Variants in ZDHHC2 observed in about 807,000 individuals in gnomAD.
ZDHHC2 encodes palmitoyltransferase ZDHHC2.
In ZDHHC2, 51 loss-of-function variants were observed where a neutral mutation model predicts 55.6. The observed-to-expected ratio is 0.92, with a 90% CI of 0.73 to 1.16. The LOEUF is 1.16. Among genes scored for constraint, ZDHHC2 ranks in the 50% most tolerant of loss-of-function variants. The pLI is 0.00. For missense variants in ZDHHC2, 491 were observed against 442.4 expected (o/e 1.11, Z -0.99); for synonymous variants, 199 against 152.9 (o/e 1.30, Z -2.22).
intron 4 of ZDHHC2, 101 bp from the exon 5 acceptor site, chr8:17,197,481 A>G (rs1487525650): frequency 2.0e-6 from 2 of 1,012,142 alleles, no homozygotes; most frequent in African/African-American, 1.7e-5. Flanking sequence ...TAAATTTCAT[A>G]TGCTTTTTAA....
At chr8:17,200,316 C>T (rs919937254) in intron 6 of ZDHHC2, among the ~76,000 whole-genome samples, 3 of 152,264 alleles carry the variant, frequency 2.0e-5, no homozygotes, top group Non-Finnish European at 4.4e-5. Context: ...CCAGGGGCAA[C>T]CCTCAACCAG....
intron 1 of ZDHHC2, among the ~76,000 whole-genome samples, chr8:17,174,135 T>C (rs1410613143): frequency 6.6e-6 from 1 of 151,224 alleles, no homozygotes; most frequent in Non-Finnish European, 1.5e-5. Flanking sequence ...TGTCTCCCAA[T>C]CTGGAATACA....
intron 10 of ZDHHC2, among the ~76,000 whole-genome samples, chr8:17,215,007 A>G (rs911415528): frequency 2.0e-5 from 3 of 152,190 alleles, no homozygotes; most frequent in African/African-American, 7.2e-5. Flanking sequence ...GTTAGAGATT[A>G]TCATCTTATG....
intron 6 of ZDHHC2, among the ~76,000 whole-genome samples, chr8:17,200,620 C>T (rs1330205677): frequency 6.6e-6 from 1 of 152,068 alleles, no homozygotes; most frequent in Non-Finnish European, 1.5e-5. Flanking sequence ...CACAAAATTA[C>T]AAAAAGAGAA....
chr8:17,184,625 C>CTT (rs1805616589), intron 1 of ZDHHC2, among the ~76,000 whole-genome samples, 164 bp from the exon 2 acceptor site: 1 of 151,474 alleles, frequency 6.6e-6, no homozygotes, highest in East Asian at 1.9e-4. Flanking sequence ...TGCACCCTCT[C>CTT]CACACTGTGC....
intron 6 of ZDHHC2, among the ~76,000 whole-genome samples, chr8:17,199,273 C>G (rs897565916): frequency 1.3e-5 from 2 of 152,130 alleles, no homozygotes; most frequent in African/African-American, 4.8e-5. Flanking sequence ...TTCTCCACCT[C>G]GATTTTCTCC....
chr8:17,163,172 A>G (rs1172346965), intron 1 of ZDHHC2, among the ~76,000 whole-genome samples: 1 of 152,204 alleles, frequency 6.6e-6, no homozygotes, highest in African/African-American at 2.4e-5. Flanking sequence ...CAGGCGAGTG[A>G]AGCGGAGCTG....
rs144592213 is a variant in ZDHHC2 at position 17,184,809 on chromosome 8, G to A, written c.151G>A (p.Glu51Lys). 512 of 1,548,936 alleles carry A rather than the reference G, an allele frequency of 3.3e-4. No individual in the cohort carries two copies. The highest frequency in any genetic ancestry group is 4.2e-4 in the Non-Finnish European group (476 of 1,145,796). Reference protein sequence around the residue: ...LCIVSMENTGEQVVCLMAYHL... With the variant: ...LCIVSMENTGKQVVCLMAYHL... ...TACAGTGTCCATGGAAAACACTGGC[G>A]AACAAGGTAAGCTAGATTATATTAA... The change falls in exon 2 of 13, where the codon GAA (glutamate) becomes AAA (lysine). Residue 51 changes from glutamate (E) to lysine (K), a missense_variant. Transcript: ENST00000262096.
intron 12 of ZDHHC2, among the ~76,000 whole-genome samples, chr8:17,218,977 G>A (rs112802709): frequency 0.084 from 12,761 of 151,902 alleles, 1,127 homozygotes; most frequent in African/African-American, 0.22. Context: ...TTGGCCGGGC[G>A]CGGTGGCTCA....
chr8:17,171,806 G>C (rs1288528911), intron 1 of ZDHHC2, among the ~76,000 whole-genome samples: 4 of 150,960 alleles, frequency 2.6e-5, no homozygotes, highest in African/African-American at 4.9e-5. Context: ...CTTGTATGAG[G>C]TGTAATGCCC....
At chr8:17,201,165 C>G (rs1010182005) in intron 6 of ZDHHC2, among the ~76,000 whole-genome samples, 8 of 152,196 alleles carry the variant, frequency 5.3e-5, no homozygotes, top group Non-Finnish European at 8.8e-5. Flanking sequence ...CAGTCCCTCT[C>G]CCCACCTTCT....
intron 1 of ZDHHC2, among the ~76,000 whole-genome samples, chr8:17,171,220 C>T (rs978416185): frequency 2.0e-5 from 3 of 152,060 alleles, no homozygotes; most frequent in East Asian, 3.9e-4. Context: ...AAGGAAACAC[C>T]CATACAACTC....
chr8:17,178,787 A>G (rs1364623692), intron 1 of ZDHHC2, among the ~76,000 whole-genome samples: 1 of 152,176 alleles, frequency 6.6e-6, no homozygotes, highest in Non-Finnish European at 1.5e-5. Context: ...TATTACTTTG[A>G]CAGTCTCACT....
At chr8:17,199,599 T>TTCTTC (rs1477881564) in intron 6 of ZDHHC2, among the ~76,000 whole-genome samples, 9 of 55,968 alleles carry the variant, frequency 1.6e-4, no homozygotes, top group Admixed American at 1.1e-3. Context: ...TTTCTTCTTC[T>TTCTTC]TTATTCTTTC....
At position 17,215,026 on chromosome 8, in the gene ZDHHC2, A is replaced by G. The variant is rs545634251; in HGVS notation, c.951-211A>G. Among the ~76,000 whole-genome samples the G allele has an allele frequency of 2.6e-5, 4 of 152,180 alleles. No individual in the cohort carries two copies. In the East Asian group the frequency reaches 5.8e-4, roughly 22 times the overall value. On this transcript the variant is annotated intron_variant, in intron 10 of 12. Transcript: ENST00000262096. Reference sequence around the variant, plus strand: ...GAGATTATCATCTTATGGTAAGCAGAAGAAGGAAAAGAGACTGAAGATAGA... The same window carrying G: ...GAGATTATCATCTTATGGTAAGCAGGAGAAGGAAAAGAGACTGAAGATAGA...
intron 1 of ZDHHC2, among the ~76,000 whole-genome samples, chr8:17,179,960 A>T (rs970365864): frequency 6.6e-6 from 1 of 152,218 alleles, no homozygotes; most frequent in Non-Finnish European, 1.5e-5. Context: ...ATCCAAGATA[A>T]AATGAGGCAA....
intron 1 of ZDHHC2, among the ~76,000 whole-genome samples, chr8:17,177,216 G>T (rs1464338765): frequency 6.6e-6 from 1 of 152,212 alleles, no homozygotes; most frequent in African/African-American, 2.4e-5. Flanking sequence ...TAGGGAGGGT[G>T]TTGGTGACCT....
intron 1 of ZDHHC2, among the ~76,000 whole-genome samples, chr8:17,175,604 A>T (rs1452616837): frequency 6.6e-6 from 1 of 152,182 alleles, no homozygotes; most frequent in African/African-American, 2.4e-5. Context: ...GCCAAATTCT[A>T]TTCTAGGTGC....
intron 6 of ZDHHC2, among the ~76,000 whole-genome samples, chr8:17,201,925 G>A (rs1334104031): frequency 2.0e-5 from 3 of 151,920 alleles, no homozygotes; most frequent in African/African-American, 7.3e-5. Context: ...CTCTGCTCTG[G>A]CCACTTAAGA....
Sources: allele counts gnomAD v4.1 joint callset (sites outside exome capture counted in the v4.1 genomes callset), GRCh38; gene constraint gnomAD v4.1.1; transcripts MANE v1.5; gene names NCBI Gene and HGNC (gene_info 2026-07-23, HGNC 2026-07-21).